ARHGAP23: variants seen among roughly 807,000 people sequenced by gnomAD.
The protein encoded by ARHGAP23 is rho GTPase-activating protein 23.
Under a neutral mutation model 136.3 loss-of-function variants are expected in ARHGAP23, and 34 were observed. The ratio of observed to expected loss-of-function variants is 0.25; its 90% CI spans 0.19 to 0.33. The LOEUF (loss-of-function observed/expected upper bound fraction) is 0.33. Among genes scored for constraint, ARHGAP23 ranks in the 10% least tolerant of loss-of-function variants. ARHGAP23 has a pLI of 1.00. For missense variants in ARHGAP23, 1,808 were observed against 2,139.0 expected, an observed-to-expected ratio of 0.85 and a Z score of 3.05; for synonymous variants, 832 against 920.5, an observed-to-expected ratio of 0.90 and a Z score of 1.74.
In ARHGAP23 at chr17:38,477,677, G is replaced by A. The variant is rs1454344108; in HGVS notation, c.2217G>A (p.Ala739=). Residue 739 remains alanine, a synonymous_variant, in exon 12 of 24, where the codon GCG becomes GCA. Transcript: ENST00000622683. This position sits in a 1 kb window ranked among gnomAD's most constrained non-coding sequence, Gnocchi z 6.6. ...LSKERREPGP[A]AAGAAAAGAG... ...AGGAGCGGCGGGAGCCCGGGCCGGC[G>A]GCGGCGGGGGCTGCGGCGGCCGGCG... The A allele has an allele frequency of 6.1e-6, 8 of 1,309,408 alleles. No homozygotes were observed. Among genetic ancestry groups the A allele is most frequent in the South Asian group, 2.0e-5 (1 of 49,942 alleles). 81.1% of individuals were successfully genotyped at this position (1,309,408 alleles called of 1,614,324 possible).
At chr17:38,473,077 C>T (rs893550454) in intron 11 of ARHGAP23, among the ~76,000 whole-genome samples, 2 of 151,732 alleles carry the variant, frequency 1.3e-5, no homozygotes, top group East Asian at 1.9e-4. Context: ...GCTGGGACTA[C>T]AGGCACTCAC....
chr17:38,490,642 A>G (rs573576074), intron 19 of ARHGAP23, 91 bp downstream of exon 19: 7 of 1,065,706 alleles, frequency 6.6e-6, no homozygotes, highest in African/African-American at 1.6e-5. Context: ...CAGCAGGTCC[A>G]GTAACTCAGG....
In ARHGAP23 at chr17:38,430,476, G is replaced by C. The variant is rs138321800; in HGVS notation, c.63+1928G>C. Among the ~76,000 whole-genome samples, 691 of 152,338 alleles carry C rather than the reference G, an allele frequency of 4.5e-3. 5 individuals are homozygous for C. The highest frequency in any genetic ancestry group is 0.016 in the African/African-American group (658 of 41,576). ...AGCATTCTTGGCATGGATGGGAGTG[G>C]GGGTGAGGGAGGGTGCTGGTTCTGA... On this transcript the variant is annotated intron_variant, in intron 1 of 23. Transcript: ENST00000622683.
chr17:38,507,629 G>A (rs1327077809), intron 23 of ARHGAP23, among the ~76,000 whole-genome samples: 1 of 152,088 alleles, frequency 6.6e-6, no homozygotes, highest in African/African-American at 2.4e-5. Context: ...TGATCCTAGC[G>A]GCCTCTTAAG....
At chr17:38,471,465 A>G (rs550183971) in intron 10 of ARHGAP23, among the ~76,000 whole-genome samples, 1 of 152,334 alleles carries the variant, frequency 6.6e-6, no homozygotes, top group Non-Finnish European at 1.5e-5. Flanking sequence ...CTCCTCGTGG[A>G]CATGACTACC....
rs1237388326 is a variant in ARHGAP23, at chr17:38,477,538, CT to C, written c.2119-40del. On this transcript the variant is annotated intron_variant, in intron 11 of 23. Coordinates refer to ENST00000622683, the MANE Select transcript of ARHGAP23 (RefSeq NM_001199417.2). This position sits in a 1 kb window ranked among gnomAD's most constrained non-coding sequence, Gnocchi z 6.6. ...TGAGAGCAGTGGGCAAAACTGGCCTCTCACCATTCCTGTCTCCCCCAACCCC... is the reference window on the plus strand; with the variant it reads ...TGAGAGCAGTGGGCAAAACTGGCCTCCACCATTCCTGTCTCCCCCAACCCC... 2.4e-6 allele frequency: 3 copies of C among 1,231,030 alleles called. No individual in the cohort carries two copies. Among genetic ancestry groups the C allele is most frequent in the East Asian group, 3.6e-5 (1 of 28,048 alleles). The allele number at this position is 1,231,030 out of a possible 1,614,324, so 76.3% of individuals were successfully genotyped here. A position where few individuals can be genotyped will look rare whatever the true frequency, so the allele number is the denominator to read the frequency against.
At chr17:38,509,905 T>C in intron 23 of ARHGAP23, 39 bp from the exon 24 acceptor site, 1 of 1,237,836 alleles carries the variant, frequency 8.1e-7, no homozygotes, top group African/African-American at 1.6e-5. Flanking sequence ...GGGGGCCGAG[T>C]CCGGGCGCCC....
At chr17:38,494,493 G>T (rs2040346796) in intron 20 of ARHGAP23, among the ~76,000 whole-genome samples, 2 of 152,136 alleles carry the variant, frequency 1.3e-5, no homozygotes, top group African/African-American at 4.8e-5. Context: ...GGGGGCTGAG[G>T]TGGGAGGCTG....
In ARHGAP23 at chr17:38,439,238, C is replaced by T. The variant is rs569409915; in HGVS notation, c.63+10690C>T. The stretch of plus-strand genomic sequence containing the variant: ...TCCCCTTTCCAGAAACTTGCTGTAC[C>T]GTCTCTTTCCCTTGTCTAGAAGGGC... On this transcript the variant is annotated intron_variant, in intron 1 of 23. Transcript: ENST00000622683. Among the ~76,000 whole-genome samples the T allele has an allele frequency of 4.6e-5, 7 of 151,966 alleles. No individual in the cohort carries two copies. In the South Asian group the frequency reaches 1.0e-3, roughly 23 times the overall value.
chr17:38,451,862 T>G (rs1006292330), intron 1 of ARHGAP23: 2 of 152,444 alleles, frequency 1.3e-5, no homozygotes, highest in Non-Finnish European at 2.9e-5. Flanking sequence ...AGGGTGCCAA[T>G]GGAGATGGCG....
chr17:38,452,867 C>T (rs796327400), intron 1 of ARHGAP23, among the ~76,000 whole-genome samples: 62 of 152,332 alleles, frequency 4.1e-4, no homozygotes, highest in African/African-American at 1.3e-3. Flanking sequence ...GAGGGGGCAG[C>T]TTTGAATGAT....
intron 19 of ARHGAP23, 105 bp from the exon 20 acceptor site, chr17:38,491,302 C>G: frequency 6.9e-7 from 1 of 1,454,228 alleles, no homozygotes; most frequent in Non-Finnish European, 9.3e-7. Context: ...ACCCTCTAAG[C>G]TGGGGACTGG....
intron 11 of ARHGAP23, 147 bp downstream of exon 11, chr17:38,472,153 C>T: frequency 1.1e-6 from 1 of 923,160 alleles, no homozygotes; most frequent in Non-Finnish European, 1.6e-6. Context: ...GGAAGAACTT[C>T]CTGGCAGGGG....
intron 11 of ARHGAP23, among the ~76,000 whole-genome samples, chr17:38,476,503 T>G (rs1445033605): frequency 6.6e-6 from 1 of 152,000 alleles, no homozygotes; most frequent in Non-Finnish European, 1.5e-5. Context: ...TGGCAAGTAT[T>G]GTGCAAAGTG....
At chr17:38,491,823 G>T (rs998329155) in intron 20 of ARHGAP23, 2 of 443,844 alleles carry the variant, frequency 4.5e-6, no homozygotes, top group African/African-American at 1.9e-5. Context: ...AGGAGGAAGG[G>T]CAGGGAAGGT....
Position 38,462,832 on chromosome 17 carries a change from C to A in ARHGAP23, c.254-14C>A. ...CCCCAGCCACCCCCAGCTAACCTGG[C>A]TGATGCCCACTAGGACCCTCCCCCC... On this transcript the variant is annotated splice_polypyrimidine_tract_variant and intron_variant, in intron 3 of 23. Transcript: ENST00000622683. 1.3e-6 allele frequency: 2 copies of A among 1,492,000 alleles called. No individual in the cohort carries two copies. Among genetic ancestry groups the A allele is most frequent in the East Asian group, 2.5e-5 (1 of 40,102 alleles). The allele number at this position is 1,492,000 out of a possible 1,614,324, so 92.4% of individuals were successfully genotyped here.
rs2040153332 is a variant in ARHGAP23 at position 38,486,058 on chromosome 17, C to A, written c.2908-4C>A. ...CTGTGCCTGACATCTGACCCCTCCC[C>A]CAGCGCTGGCAAGACCTCAATGTGA... is the stretch of plus-strand genomic sequence containing the variant. On this transcript the variant is annotated splice_polypyrimidine_tract_variant and splice_region_variant and intron_variant, in intron 16 of 23. Coordinates refer to ENST00000622683, the MANE Select transcript of ARHGAP23 (RefSeq NM_001199417.2). The A allele has an allele frequency of 3.9e-6, 6 of 1,550,948 alleles. No homozygotes were observed. In the South Asian group the frequency reaches 7.1e-5, roughly 18 times the overall value.
rs1453706074 is a variant in ARHGAP23 at position 38,511,541 on chromosome 17, C to T, written c.*569C>T. 2 of 152,400 alleles carry T rather than the reference C, an allele frequency of 1.3e-5. No homozygotes were observed. Among genetic ancestry groups the T allele is most frequent in the Admixed American group, 6.5e-5 (1 of 15,276 alleles). 9.4% of individuals were successfully genotyped at this position (152,400 alleles called of 1,614,324 possible). Reference sequence around the variant, plus strand: ...CCCCCTATCCCCACCCTGGTCCCCACTTTGCGCCCCCGGGCTCCCTGCCTT... The same window carrying T: ...CCCCCTATCCCCACCCTGGTCCCCATTTTGCGCCCCCGGGCTCCCTGCCTT... On this transcript the variant is annotated 3_prime_UTR_variant, in exon 24 of 24. Coordinates refer to ENST00000622683, the MANE Select transcript of ARHGAP23 (RefSeq NM_001199417.2).
intron 1 of ARHGAP23, among the ~76,000 whole-genome samples, chr17:38,445,875 TCTCCCACCTCAGC>T (rs951401273): frequency 7.2e-5 from 11 of 151,964 alleles, no homozygotes; most frequent in African/African-American, 2.7e-4. Context: ...CTCAAGTGAT[TCTCCCACCTCAGC>T]CTCCCAAAGT....
Sources: allele counts gnomAD v4.1 joint callset (sites outside exome capture counted in the v4.1 genomes callset), GRCh38; gene constraint gnomAD v4.1.1; non-coding constraint Gnocchi (gnomAD v3.1); transcripts MANE v1.5; gene names NCBI Gene and HGNC (gene_info 2026-07-23, HGNC 2026-07-21).